OR52A5: variants seen among roughly 807,000 people sequenced by gnomAD.
OR52A5 encodes olfactory receptor 52A5.
A neutral mutation model predicts 18.2 loss-of-function variants in OR52A5; 16 were observed. That is an observed-to-expected ratio of 0.88 (90% CI 0.60 to 1.34). The LOEUF is 1.34. Among genes scored for constraint, OR52A5 ranks in the 40% most tolerant of loss-of-function variants. The pLI, the probability that OR52A5 is intolerant of heterozygous loss-of-function variation, is 0.00. For synonymous variants in OR52A5, 140 were observed against 137.2 expected, an observed-to-expected ratio of 1.02 and a Z score of -0.14; for missense variants, 418 against 383.0, an observed-to-expected ratio of 1.09 and a Z score of -0.76.
intron 1 of OR52A5, among the ~76,000 whole-genome samples, chr11:5,132,912 G>T (rs1331060677): frequency 1.3e-5 from 2 of 152,010 alleles, no homozygotes; most frequent in Non-Finnish European, 1.5e-5. Flanking sequence ...GGATTAGACG[G>T]CTTTTTTCTG....
In OR52A5 at chr11:5,130,842, A is replaced by T. The variant is rs1846330463; in HGVS notation, c.*850T>A. The T allele has an allele frequency of 6.6e-6, 1 of 152,130 alleles. No homozygotes were observed. The allele number at this position is 152,130 out of a possible 1,614,324, so 9.4% of individuals were successfully genotyped here. ...AAAATTTGTTTGGTTCTAAGTCTTG[A>T]CTAAAGTCCTTATTCAGGAGGTGGT... On this transcript the variant is annotated 3_prime_UTR_variant, in exon 2 of 2. Transcript: ENST00000307388.
Position 5,132,678 on chromosome 11 carries a change from T to C in OR52A5, c.-36A>G, listed in dbSNP as rs374608780. ...TCAGAATCAAGTGGTAGATTTGCTG[T>C]TTCATCTTCTATTCTCTGTTGAGCC... is the stretch of plus-strand genomic sequence containing the variant. On this transcript the variant is annotated 5_prime_UTR_variant, in exon 2 of 2. Coordinates refer to ENST00000307388, the MANE Select transcript of OR52A5 (RefSeq NM_001005160.3). The C allele has an allele frequency of 3.0e-6, 4 of 1,342,656 alleles. No homozygotes were observed. Among genetic ancestry groups the C allele is most frequent in the Non-Finnish European group, 3.1e-6 (3 of 967,768 alleles). The allele number at this position is 1,342,656 out of a possible 1,614,324, so 83.2% of individuals were successfully genotyped here.
rs560186603 is a variant in OR52A5, at chr11:5,135,363, C to T, written c.-60-2661G>A. 3.6e-4 allele frequency among the ~76,000 whole-genome samples: 55 copies of T among 152,250 alleles called. 2 individuals carry two copies. In the South Asian group the frequency reaches 0.01, roughly 28 times the overall value. ...GGTATAGGACGCACAGTACAGAACA[C>T]GTTTATTATATGCTACCTGTTTGAT... On this transcript the variant is annotated intron_variant, in intron 1 of 1. Transcript: ENST00000307388.
chr11:5,131,112 G>A lies in OR52A5; in HGVS notation c.*580C>T, dbSNP rs1247958982. 1 of 152,196 alleles carries A rather than the reference G, an allele frequency of 6.6e-6. No individual in the cohort carries two copies. Among genetic ancestry groups the A allele is most frequent in the African/African-American group, 2.4e-5 (1 of 41,428 alleles). The allele number at this position is 152,196 out of a possible 1,614,324, so 9.4% of individuals were successfully genotyped here. A position where few individuals can be genotyped will look rare whatever the true frequency, so the allele number is the denominator to read the frequency against. On this transcript the variant is annotated 3_prime_UTR_variant, in exon 2 of 2. Transcript: ENST00000307388. ...AATGTCATTTTTACTTAGATTCTAAGAATTCTCAGGCATTGTCCACTGTTT... is the reference window on the plus strand; with the variant it reads ...AATGTCATTTTTACTTAGATTCTAAAAATTCTCAGGCATTGTCCACTGTTT...
rs1472044823 is a variant in OR52A5 at position 5,131,121 on chromosome 11, G to A, written c.*571C>T. 9 of 152,136 alleles carry A rather than the reference G, an allele frequency of 5.9e-5. No homozygotes were observed. Among genetic ancestry groups the A allele is most frequent in the Non-Finnish European group, 1.5e-5 (1 of 68,068 alleles). The allele number at this position is 152,136 out of a possible 1,614,324, so 9.4% of individuals were successfully genotyped here. A position where few individuals can be genotyped will look rare whatever the true frequency, so the allele number is the denominator to read the frequency against. On this transcript the variant is annotated 3_prime_UTR_variant, in exon 2 of 2. Transcript: ENST00000307388. ...TTTACTTAGATTCTAAGAATTCTCA[G>A]GCATTGTCCACTGTTTTCCTGATAA...
intron 1 of OR52A5, among the ~76,000 whole-genome samples, chr11:5,132,912 G>A (rs1331060677): frequency 2.6e-5 from 4 of 152,010 alleles, no homozygotes; most frequent in Admixed American, 6.6e-5. Flanking sequence ...GGATTAGACG[G>A]CTTTTTTCTG....
Position 5,130,174 on chromosome 11 carries a change from G to T in OR52A5, c.*1518C>A, listed in dbSNP as rs1846322731. On this transcript the variant is annotated 3_prime_UTR_variant, in exon 2 of 2. Transcript: ENST00000307388. ...TTTCTGTTGATTTTTTTCCAATATGGGTGTTTTGTCTATTTTCATTTATAT... is the reference window on the plus strand; with the variant it reads ...TTTCTGTTGATTTTTTTCCAATATGTGTGTTTTGTCTATTTTCATTTATAT... The T allele has an allele frequency of 6.6e-6, 1 of 151,388 alleles. No individual in the cohort carries two copies. The highest frequency in any genetic ancestry group is 1.5e-5 in the Non-Finnish European group (1 of 67,850). 9.4% of individuals were successfully genotyped at this position (151,388 alleles called of 1,614,324 possible).
At chr11:5,132,927 A>G (rs7120612) in intron 1 of OR52A5, among the ~76,000 whole-genome samples, 31,885 of 152,106 alleles carry the variant, frequency 0.21, 3,712 homozygotes, top group South Asian at 0.32. Flanking sequence ...TTTCTGGTTC[A>G]TGACTATTGG....
chr11:5,133,483 T>G (rs1201890329), intron 1 of OR52A5, among the ~76,000 whole-genome samples: 1 of 151,270 alleles, frequency 6.6e-6, no homozygotes, highest in Admixed American at 6.6e-5. Context: ...GGCTGTTTTT[T>G]TTTTTTTTCC....
At chr11:5,133,362 T>TC (rs1424307785) in intron 1 of OR52A5, among the ~76,000 whole-genome samples, 36 of 49,144 alleles carry the variant, frequency 7.3e-4, no homozygotes, top group African/African-American at 2.8e-3. Flanking sequence ...AGCGAGACTG[T>TC]CAAAAAAAAA....
intron 1 of OR52A5, among the ~76,000 whole-genome samples, chr11:5,133,858 T>G (rs1184938905): frequency 1.3e-5 from 2 of 152,174 alleles, no homozygotes; most frequent in African/African-American, 4.8e-5. Flanking sequence ...TATTATAATT[T>G]TTTTCTTTAC....
rs1276180647 is a variant in OR52A5, at chr11:5,132,544, G to C, written c.99C>G (p.Phe33Leu). 6.2e-7 allele frequency: 1 copy of C among 1,613,938 alleles called. No homozygotes were observed. The highest frequency in any genetic ancestry group is 8.5e-7 in the Non-Finnish European group (1 of 1,179,866). ...TCACACCAATAAGATACATGGCAGA[G>C]AAAGGAATCCCAATCCAACACTGCA... ...ESVQCWIGIP[F>L]SAMYLIGVIG... Residue 33 changes from phenylalanine (F) to leucine (L), a missense_variant, in exon 2 of 2, where the codon TTC becomes TTG. By Grantham distance (22) the Phe-to-Leu change is conservative. Transcript: ENST00000307388.
chr11:5,131,771 T>A lies in OR52A5; in HGVS notation c.872A>T (p.Asn291Ile). Residue 291 changes from asparagine (N) to isoleucine (I), a missense_variant, in exon 2 of 2, where the codon AAC (asparagine) becomes ATC (isoleucine). Physicochemically the swap from Asn to Ile is moderately radical, Grantham distance 149. Coordinates refer to ENST00000307388, the MANE Select transcript of OR52A5 (RefSeq NM_001005160.3). ...GGTCTTCACTCCATAGACAATAGGG[T>A]TGAGAAAAGGTGGGACTAACAGGTA... ...NLYLLVPPFLNPIVYGVKTKQ... is the reference protein window; with the variant it reads ...NLYLLVPPFLIPIVYGVKTKQ... 3 of 1,613,830 alleles carry A rather than the reference T, an allele frequency of 1.9e-6. No individual in the cohort carries two copies. Among genetic ancestry groups the A allele is most frequent in the Non-Finnish European group, 2.5e-6 (3 of 1,179,910 alleles).
Position 5,131,760 on chromosome 11 carries a change from A to G in OR52A5, c.883T>C (p.Tyr295His), listed in dbSNP as rs1223586101. Residue 295 changes from tyrosine to histidine, a missense_variant, in exon 2 of 2, where the codon TAT becomes CAT. Coordinates refer to ENST00000307388, the MANE Select transcript of OR52A5 (RefSeq NM_001005160.3). Reference protein sequence around the residue: ...LVPPFLNPIVYGVKTKQIRDH... With the variant: ...LVPPFLNPIVHGVKTKQIRDH... ...CGAATTTGCTTGGTCTTCACTCCAT[A>G]GACAATAGGGTTGAGAAAAGGTGGG... 1.2e-6 allele frequency: 2 copies of G among 1,614,072 alleles called. No individual in the cohort carries two copies. The highest frequency in any genetic ancestry group is 1.7e-5 in the Admixed American group (1 of 60,016).
Position 5,131,659 on chromosome 11 carries a change from C to A in OR52A5, c.*33G>T, listed in dbSNP as rs747653302. The A allele has an allele frequency of 2.2e-5, 30 of 1,373,114 alleles. No homozygotes were observed. The highest frequency in any genetic ancestry group is 1.5e-5 in the African/African-American group (1 of 68,922). The allele number at this position is 1,373,114 out of a possible 1,614,324, so 85.1% of individuals were successfully genotyped here. A position where few individuals can be genotyped will look rare whatever the true frequency, so the allele number is the denominator to read the frequency against. On this transcript the variant is annotated 3_prime_UTR_variant, in exon 2 of 2. Transcript: ENST00000307388. ...ATTATATTTAGGTTTTTACTTAGAA[C>A]CAACCCTAAATCTCTATAGGAGTCA...
At position 5,132,612 on chromosome 11, in the gene OR52A5, G is replaced by T. The variant is rs917284629; in HGVS notation, c.31C>A (p.Pro11Thr). The change falls in exon 2 of 2, where the codon CCC becomes ACC. Residue 11 changes from proline to threonine, a missense_variant. Transcript: ENST00000307388. Reference protein sequence around the residue: MPTFNGSVFMPSAFILIGIPG... With the variant: MPTFNGSVFMTSAFILIGIPG... ...ATCCCAATTAGTATAAACGCAGAGG[G>T]CATGAAGACTGAGCCATTGAATGTC... 1.9e-6 allele frequency: 3 copies of T among 1,605,498 alleles called. No individual in the cohort carries two copies. The highest frequency in any genetic ancestry group is 1.1e-5 in the South Asian group (1 of 89,892).
At chr11:5,138,004 T>C (rs536560548) in intron 1 of OR52A5, among the ~76,000 whole-genome samples, 1 of 152,366 alleles carries the variant, frequency 6.6e-6, no homozygotes, top group East Asian at 1.9e-4. Flanking sequence ...CGTTCAATTT[T>C]CTTGGCTTTT....
At position 5,130,283 on chromosome 11, in the gene OR52A5, T is replaced by G. The variant is rs576172866; in HGVS notation, c.*1409A>C. 8.9e-4 allele frequency: 135 copies of G among 152,198 alleles called. 1 individual carries two copies. Among genetic ancestry groups the G allele is most frequent in the Admixed American group, 3.3e-3 (50 of 15,302 alleles). The allele number at this position is 152,198 out of a possible 1,614,324, so 9.4% of individuals were successfully genotyped here. A position where few individuals can be genotyped will look rare whatever the true frequency, so the allele number is the denominator to read the frequency against. The stretch of plus-strand genomic sequence containing the variant: ...TTAATCTGTAGTTATCATCATATTG[T>G]TTGTTTTGGTTTCTTATTTAGGAGT... On this transcript the variant is annotated 3_prime_UTR_variant, in exon 2 of 2. Coordinates refer to ENST00000307388, the MANE Select transcript of OR52A5 (RefSeq NM_001005160.3).
chr11:5,136,657 GTATT>G (rs1176950011), intron 1 of OR52A5, among the ~76,000 whole-genome samples: 1 of 152,252 alleles, frequency 6.6e-6, no homozygotes, highest in East Asian at 1.9e-4. Flanking sequence ...ATAAAACTGG[GTATT>G]GAGGGAAATA....
Sources: gnomAD v4.1 joint callset for allele counts (sites outside exome capture counted in the v4.1 genomes callset) on GRCh38, gnomAD v4.1.1 for gene constraint, MANE v1.5 for transcripts, NCBI Gene and HGNC (gene_info 2026-07-23, HGNC 2026-07-21) for gene names.